The following SLC6A5 variants were observed in gnomAD, a reference collection of about 807,000 sequenced individuals.
SLC6A5 encodes sodium- and chloride-dependent glycine transporter 2.
A neutral mutation model predicts 90.5 loss-of-function variants in SLC6A5; 58 were observed. That is an observed-to-expected ratio of 0.64 (90% CI 0.52 to 0.80). The LOEUF (loss-of-function observed/expected upper bound fraction) is 0.80, where lower values mean the gene tolerates loss of function less well. SLC6A5 is among the 30% of genes least tolerant of loss of function. The pLI is 0.00. For synonymous variants in SLC6A5, 427 were observed against 401.4 expected (o/e 1.06, Z -0.76); for missense variants, 1,015 against 1,017.6 (o/e 1.00, Z 0.03).
In SLC6A5 at chr11:20,652,306, C is replaced by T; in HGVS notation, c.2088C>T (p.Ser696=). The T allele has an allele frequency of 6.2e-7, 1 of 1,614,176 alleles. No individual in the cohort carries two copies. Among genetic ancestry groups the T allele is most frequent in the Non-Finnish European group, 8.5e-7 (1 of 1,180,010 alleles). Residue 696 remains serine (S), a synonymous_variant, in exon 15 of 16, where the codon AGC becomes AGT. Coordinates refer to ENST00000525748, the MANE Select transcript of SLC6A5 (RefSeq NM_004211.5). The part of the protein sequence containing the change: ...PTILTFILCF[S]FYQWEPMTYG... Reference sequence around the variant, plus strand: ...CTTTCCAGTTTATCCTTTGCTTCAGCTTTTACCAGTGGGAGCCCATGACCT... The same window carrying T: ...CTTTCCAGTTTATCCTTTGCTTCAGTTTTTACCAGTGGGAGCCCATGACCT...
intron 14 of SLC6A5, among the ~76,000 whole-genome samples, chr11:20,647,266 TA>T (rs1219732047): frequency 7.9e-6 from 1 of 126,100 alleles, no homozygotes; most frequent in Non-Finnish European, 1.8e-5. Context: ...CCTATATATA[TA>T]ATATCAGTTA....
In SLC6A5 at chr11:20,599,672, C is replaced by A. The variant is rs899052016; in HGVS notation, c.-1C>A. ...AGTTCAGTCTGTTGCCTGTGTCAGA[C>A]ATGGTGAGTGTTTGCTTTTGTTCTT... On this transcript the variant is annotated 5_prime_UTR_variant, in exon 1 of 16. Coordinates refer to ENST00000525748, the MANE Select transcript of SLC6A5 (RefSeq NM_004211.5). The A allele has an allele frequency of 1.2e-6, 2 of 1,613,928 alleles. No individual in the cohort carries two copies. Among genetic ancestry groups the A allele is most frequent in the Admixed American group, 3.3e-5 (2 of 60,006 alleles).
intron 13 of SLC6A5, among the ~76,000 whole-genome samples, chr11:20,644,864 T>G (rs930559607): frequency 2.2e-4 from 34 of 152,022 alleles, no homozygotes; most frequent in South Asian, 2.1e-4. Context: ...CAGGCTGGAG[T>G]GCAGTGGTGC....
chr11:20,617,312 A>G (rs1852800266), intron 6 of SLC6A5, among the ~76,000 whole-genome samples: 2 of 152,246 alleles, frequency 1.3e-5, no homozygotes, highest in African/African-American at 2.4e-5. Context: ...AGTTTCCACT[A>G]TGTACTAATT....
chr11:20,625,752 C>A (rs1284186054), intron 7 of SLC6A5, among the ~76,000 whole-genome samples: 1 of 152,152 alleles, frequency 6.6e-6, no homozygotes, highest in African/African-American at 2.4e-5. Context: ...GCCTGCCTTG[C>A]CCATGTGCTT....
chr11:20,605,131 TG>T (rs1852553515), intron 3 of SLC6A5, among the ~76,000 whole-genome samples: 1 of 152,124 alleles, frequency 6.6e-6, no homozygotes, highest in Non-Finnish European at 1.5e-5. Context: ...AGGAGGGACC[TG>T]GCACATTCAC....
At chr11:20,637,428 T>G (rs1853231315) in intron 12 of SLC6A5, 125 bp downstream of exon 12, 2 of 830,204 alleles carry the variant, frequency 2.4e-6, no homozygotes, top group South Asian at 2.9e-5. Context: ...CATTTCCATG[T>G]AGATGGCACC....
At position 20,599,811 on chromosome 11, in the gene SLC6A5, C is replaced by T. The variant is rs571068704; in HGVS notation, c.3+136C>T. On this transcript the variant is annotated intron_variant, in intron 1 of 15. Transcript: ENST00000525748. ...AGGGGGCGACGAGGAGAACAATTCT[C>T]GCAGCCCTAGGTATTTGTACTTGTG... 637 of 1,025,256 alleles carry T rather than the reference C, an allele frequency of 6.2e-4. 5 individuals are homozygous for T. The African/African-American group carries it at 8.4e-3, about 13-fold the overall frequency. The allele number at this position is 1,025,256 out of a possible 1,614,324, so 63.5% of individuals were successfully genotyped here.
At chr11:20,652,217 G>A (rs1853547157) in intron 14 of SLC6A5, 72 bp from the exon 15 acceptor site, 1 of 1,351,446 alleles carries the variant, frequency 7.4e-7, no homozygotes, top group Non-Finnish European at 1.1e-6. Flanking sequence ...TCATAACGGG[G>A]GTTTAATAGT....
At chr11:20,634,019 C>T (rs568752169) in intron 10 of SLC6A5, among the ~76,000 whole-genome samples, 115 of 152,210 alleles carry the variant, frequency 7.6e-4, no homozygotes, top group Admixed American at 1.2e-3. Flanking sequence ...CTACAGGCGC[C>T]CCCCACTACG....
At position 20,630,782 on chromosome 11, in the gene SLC6A5, C is replaced by T. The variant is rs771753499; in HGVS notation, c.1591C>T (p.Arg531Cys). The change falls in exon 10 of 16, where the codon CGC (arginine) becomes TGC (cysteine). Residue 531 changes from arginine (R) to cysteine (C), a missense_variant. Physicochemically the swap from Arg to Cys is radical, Grantham distance 180 (BLOSUM62 -3). This residue lies in a region of SLC6A5 where 442 missense variants were observed against 494.3 expected (regional missense o/e 0.89). Transcript: ENST00000525748. ...FSVIGFMANE[R>C]KVNIENVADQ... Reference sequence around the variant, plus strand: ...CGTTATCGGCTTCATGGCCAATGAACGCAAAGTCAACATTGAGAATGTGGC... The same window carrying T: ...CGTTATCGGCTTCATGGCCAATGAATGCAAAGTCAACATTGAGAATGTGGC... 2.3e-5 allele frequency: 37 copies of T among 1,614,158 alleles called. No homozygotes were observed. Among genetic ancestry groups the T allele is most frequent in the South Asian group, 9.9e-5 (9 of 91,082 alleles).
intron 6 of SLC6A5, among the ~76,000 whole-genome samples, chr11:20,617,079 C>T (rs1317488148): frequency 1.3e-5 from 2 of 152,230 alleles, no homozygotes; most frequent in East Asian, 1.9e-4. Flanking sequence ...GCCATTTGGC[C>T]AGGCAGGCCA....
Position 20,601,374 on chromosome 11 carries a change from T to A in SLC6A5, c.249T>A (p.Ser83Arg). The stretch of plus-strand genomic sequence containing the variant: ...CAGGAGTGGGGTCTTGCAAACTCAG[T>A]AGCCCGCGGGCGCAGGCGGCCTCTG... ...ERPGVGSCKLSSPRAQAASAA... is the reference protein window; with the variant it reads ...ERPGVGSCKLRSPRAQAASAA... The change falls in exon 2 of 16, where the codon AGT (serine) becomes AGA (arginine). Residue 83 changes from serine (S) to arginine (R), a missense_variant. Coordinates refer to ENST00000525748, the MANE Select transcript of SLC6A5 (RefSeq NM_004211.5). 6.2e-7 allele frequency: 1 copy of A among 1,603,020 alleles called. No homozygotes were observed. Among genetic ancestry groups the A allele is most frequent in the Non-Finnish European group, 8.5e-7 (1 of 1,176,248 alleles).
chr11:20,651,090 G>C (rs1212005227), intron 14 of SLC6A5, among the ~76,000 whole-genome samples: 1 of 152,150 alleles, frequency 6.6e-6, no homozygotes. Flanking sequence ...GTCTCACTCA[G>C]CCAGCATTAG....
chr11:20,608,839 C>T (rs4923387), intron 5 of SLC6A5, among the ~76,000 whole-genome samples: 8,412 of 152,170 alleles, frequency 0.055, 629 homozygotes, highest in East Asian at 0.35. Flanking sequence ...TCTTCCCTCT[C>T]GCAGACCCAG....
intron 15 of SLC6A5, among the ~76,000 whole-genome samples, chr11:20,653,527 G>A (rs1565292032): frequency 1.3e-5 from 2 of 152,240 alleles, no homozygotes; most frequent in Non-Finnish European, 2.9e-5. Flanking sequence ...AGGGGAGACA[G>A]AGGATGGGAA....
At chr11:20,643,875 G>A (rs1030273972) in intron 13 of SLC6A5, among the ~76,000 whole-genome samples, 1 of 152,166 alleles carries the variant, frequency 6.6e-6, no homozygotes, top group Non-Finnish European at 1.5e-5. Context: ...CATGAGGGGT[G>A]GCTGACATTC....
intron 4 of SLC6A5, 39 bp downstream of exon 4, chr11:20,607,177 C>T (rs1852600082): frequency 6.3e-7 from 1 of 1,576,612 alleles, no homozygotes; most frequent in Non-Finnish European, 8.6e-7. Context: ...CAGGCCCTTT[C>T]TTACTCTGTC....
At chr11:20,618,346 C>T (rs1320529204) in intron 7 of SLC6A5, among the ~76,000 whole-genome samples, 2 of 152,316 alleles carry the variant, frequency 1.3e-5, no homozygotes, top group East Asian at 1.9e-4. Context: ...TCCTCACTCC[C>T]GGCCACCATG....
Sources: allele counts gnomAD v4.1 joint callset (sites outside exome capture counted in the v4.1 genomes callset), GRCh38; gene constraint gnomAD v4.1.1; regional missense constraint gnomAD v4.1.1; transcripts MANE v1.5; gene names NCBI Gene and HGNC (gene_info 2026-07-23, HGNC 2026-07-21).